The following TNR variants were observed in gnomAD, a reference collection of about 807,000 sequenced individuals.
TNR encodes the protein tenascin R.
Under a neutral mutation model 150.4 loss-of-function variants are expected in TNR, and 45 were observed. The observed-to-expected ratio is 0.30, with a 90% confidence interval of 0.24 to 0.38. TNR has a LOEUF of 0.38. Ranked by LOEUF, TNR falls within the 10% of genes least tolerant of loss-of-function variation. TNR has a pLI of 1.00. For missense variants in TNR, 1,544 were observed against 1,759.1 expected (o/e 0.88, Z 2.19); for synonymous variants, 687 against 678.4 (o/e 1.01, Z -0.20).
intron 1 of TNR, among the ~76,000 whole-genome samples, chr1:175,606,250 A>G (rs1470800577): frequency 1.3e-5 from 2 of 152,158 alleles, no homozygotes; most frequent in Non-Finnish European, 2.9e-5. Flanking sequence ...TGTCAAGGGA[A>G]TAATTCTGTT....
At chr1:175,523,867 C>G (rs950800226) in intron 2 of TNR, among the ~76,000 whole-genome samples, 2 of 152,180 alleles carry the variant, frequency 1.3e-5, no homozygotes, top group South Asian at 4.1e-4. Flanking sequence ...AAATGTCTGT[C>G]ATTCTGTGAA....
chr1:175,518,733 C>T (rs1659515969), intron 2 of TNR, among the ~76,000 whole-genome samples: 1 of 152,138 alleles, frequency 6.6e-6, no homozygotes, highest in Non-Finnish European at 1.5e-5. Flanking sequence ...ATTATAACTC[C>T]ATTATCTTTC....
chr1:175,594,612 T>C (rs1017986133), intron 1 of TNR, among the ~76,000 whole-genome samples: 1 of 152,144 alleles, frequency 6.6e-6, no homozygotes, highest in African/African-American at 2.4e-5. Context: ...CGCAATACTT[T>C]GGGAGACTGA....
chr1:175,524,727 G>T (rs1659784719), intron 2 of TNR, among the ~76,000 whole-genome samples: 1 of 152,208 alleles, frequency 6.6e-6, no homozygotes. Context: ...AGGTGAGTTT[G>T]CATGTAAACT....
At chr1:175,606,358 G>A in intron 1 of TNR, among the ~76,000 whole-genome samples, 1 of 152,172 alleles carries the variant, frequency 6.6e-6, no homozygotes, top group East Asian at 1.9e-4. Flanking sequence ...AGAGAATAAT[G>A]TAAATAAAAT....
chr1:175,501,908 G>GGTGT (rs1658753814), intron 2 of TNR, among the ~76,000 whole-genome samples: 1 of 152,196 alleles, frequency 6.6e-6, no homozygotes, highest in African/African-American at 2.4e-5. Context: ...AAGCCAGTCT[G>GGTGT]GTGTGGGTAC....
chr1:175,391,188 T>C, intron 7 of TNR, 100 bp downstream of exon 7: 2 of 1,464,158 alleles, frequency 1.4e-6, no homozygotes, highest in Non-Finnish European at 1.8e-6. Flanking sequence ...TAGGAGAAAT[T>C]CTAGCACCTC....
At chr1:175,618,788 G>A (rs1663863069) in intron 1 of TNR, among the ~76,000 whole-genome samples, 1 of 152,192 alleles carries the variant, frequency 6.6e-6, no homozygotes, top group Non-Finnish European at 1.5e-5. Flanking sequence ...TGGAAAGAGG[G>A]TTAACCTGGG....
At chr1:175,351,505 C>T (rs557092416) in intron 18 of TNR, among the ~76,000 whole-genome samples, 20 of 152,278 alleles carry the variant, frequency 1.3e-4, no homozygotes, top group African/African-American at 4.3e-4. Flanking sequence ...TATTAAAAAT[C>T]GCCTTAGGCT....
At chr1:175,323,577 G>T in intron 22 of TNR, 101 bp from the exon 23 acceptor site, 7 of 1,509,182 alleles carry the variant, frequency 4.6e-6, no homozygotes, top group Non-Finnish European at 4.5e-6. Context: ...ACAATGTGGG[G>T]TTAGCTATTT....
intron 2 of TNR, among the ~76,000 whole-genome samples, chr1:175,506,216 C>A (rs1658951426): frequency 6.6e-6 from 1 of 152,182 alleles, no homozygotes; most frequent in Non-Finnish European, 1.5e-5. Flanking sequence ...TCTGAATAAG[C>A]CTCAAAACAC....
intron 1 of TNR, among the ~76,000 whole-genome samples, chr1:175,587,529 TC>T (rs1223245254): frequency 1.3e-5 from 2 of 152,220 alleles, no homozygotes; most frequent in Non-Finnish European, 2.9e-5. Context: ...AATAGTTCTC[TC>T]CTTTTTTCAA....
chr1:175,381,304 G>A (rs1488559803), intron 8 of TNR, among the ~76,000 whole-genome samples: 1 of 152,164 alleles, frequency 6.6e-6, no homozygotes, highest in African/African-American at 2.4e-5. Context: ...ATTAATTTAG[G>A]TTTAGGGTTA....
intron 2 of TNR, among the ~76,000 whole-genome samples, chr1:175,457,015 A>G (rs1006460788): frequency 1.3e-5 from 2 of 152,164 alleles, no homozygotes; most frequent in African/African-American, 4.8e-5. Flanking sequence ...CCATTTCTTT[A>G]GCTCTCCTCT....
chr1:175,604,266 G>A (rs139301444), intron 1 of TNR, among the ~76,000 whole-genome samples: 54 of 152,222 alleles, frequency 3.5e-4, no homozygotes, highest in African/African-American at 1.3e-3. Flanking sequence ...CCCTCAGCAG[G>A]CCAGTGTTCA....
intron 1 of TNR, among the ~76,000 whole-genome samples, chr1:175,717,850 GCA>G (rs376373689): frequency 9.3e-5 from 14 of 151,196 alleles, no homozygotes; most frequent in African/African-American, 2.2e-4. Flanking sequence ...GAGCGCACAT[GCA>G]CACACACACA....
At chr1:175,586,282 T>C (rs917613667) in intron 1 of TNR, among the ~76,000 whole-genome samples, 1 of 152,204 alleles carries the variant, frequency 6.6e-6, no homozygotes, top group Non-Finnish European at 1.5e-5. Context: ...AACATAGCTT[T>C]AGTTGTCTTT....
In TNR at chr1:175,356,310, T is replaced by C; in HGVS notation, c.3118+9A>G. The C allele has an allele frequency of 6.2e-7, 1 of 1,613,936 alleles. No individual in the cohort carries two copies. On this transcript the variant is annotated intron_variant, in intron 16 of 22. Coordinates refer to ENST00000367674, the MANE Select transcript of TNR (RefSeq NM_003285.3). ...AGGGATACGGGTATGTAGGTGACCA[T>C]GTACTCACGAGTAGAAAAGTTGGTG...
chr1:175,658,733 T>C (rs1264099395), intron 1 of TNR, among the ~76,000 whole-genome samples: 1 of 152,214 alleles, frequency 6.6e-6, no homozygotes, highest in African/African-American at 2.4e-5. Flanking sequence ...CATTGGTTCA[T>C]TGAAAAGAGG....
Sources: gnomAD v4.1 joint callset for allele counts (sites outside exome capture counted in the v4.1 genomes callset) on GRCh38, gnomAD v4.1.1 for gene constraint, MANE v1.5 for transcripts, NCBI Gene and HGNC (gene_info 2026-07-23, HGNC 2026-07-21) for gene names.